Variants in CTNNA3 observed in about 807,000 individuals in gnomAD.
CTNNA3 encodes catenin alpha 3.
CTNNA3 carries 76 observed loss-of-function variants against 95.7 expected under a neutral mutation model. The ratio of observed to expected loss-of-function variants is 0.79; its 90% CI spans 0.66 to 0.96. The LOEUF is 0.96. Ranked by LOEUF, CTNNA3 falls within the 40% of genes least tolerant of loss-of-function variation. The pLI is 0.00. For synonymous variants in CTNNA3, 431 were observed against 374.4 expected (o/e 1.15, Z -1.74); for missense variants, 1,191 against 1,089.8 (o/e 1.09, Z -1.31).
At chr10:67,194,986 T>A (rs1453987098) in intron 6 of CTNNA3, among the ~76,000 whole-genome samples, 1 of 151,984 alleles carries the variant, frequency 6.6e-6, no homozygotes, top group African/African-American at 2.4e-5. Context: ...CTATAAGGAA[T>A]CTGTACTCCA....
At chr10:66,686,775 G>C (rs1056551055) in intron 9 of CTNNA3, among the ~76,000 whole-genome samples, 6 of 152,248 alleles carry the variant, frequency 3.9e-5, no homozygotes, top group Admixed American at 2.0e-4. Flanking sequence ...AGCTGAGAGA[G>C]AGAAACCAAA....
chr10:67,026,478 A>T (rs1169779161), intron 7 of CTNNA3, among the ~76,000 whole-genome samples: 2 of 152,104 alleles, frequency 1.3e-5, no homozygotes, highest in Non-Finnish European at 2.9e-5. Context: ...AAAAGAAATA[A>T]AGCAGTGTTA....
At chr10:66,314,765 A>T (rs1040064386) in intron 12 of CTNNA3, among the ~76,000 whole-genome samples, 6 of 152,242 alleles carry the variant, frequency 3.9e-5, no homozygotes, top group African/African-American at 1.4e-4. Flanking sequence ...CTTTTACAAG[A>T]TTGAACACAA....
At chr10:66,380,707 T>C (rs1589164675) in intron 11 of CTNNA3, among the ~76,000 whole-genome samples, 1 of 151,222 alleles carries the variant, frequency 6.6e-6, no homozygotes, top group African/African-American at 2.4e-5. Flanking sequence ...TAATCATATA[T>C]GTATTCATAT....
chr10:66,622,774 G>A (rs9664633), intron 9 of CTNNA3, among the ~76,000 whole-genome samples: 1 of 151,836 alleles, frequency 6.6e-6, no homozygotes, highest in East Asian at 1.9e-4. Flanking sequence ...GAGAAACTAC[G>A]CATTAGCCAC....
intron 5 of CTNNA3, among the ~76,000 whole-genome samples, chr10:67,429,392 C>T (rs1195514149): frequency 6.6e-6 from 1 of 151,892 alleles, no homozygotes; most frequent in Non-Finnish European, 1.5e-5. Context: ...AGTGGTGGTG[C>T]AATGCTATCA....
chr10:66,366,052 T>A lies in CTNNA3; in HGVS notation c.1732+13100A>T, dbSNP rs1365435955. On this transcript the variant is annotated intron_variant, in intron 12 of 17. Transcript: ENST00000433211. The stretch of plus-strand genomic sequence containing the variant: ...GACATTATGAGACAGTAAATGTTTG[T>A]TGTCTTAATTTGCTAAATTTTAGGG... Among the ~76,000 whole-genome samples the A allele has an allele frequency of 5.9e-5, 9 of 152,154 alleles. No homozygotes were observed. The East Asian group carries it at 1.7e-3, about 29-fold the overall frequency.
chr10:67,257,644 G>A (rs191718378), intron 5 of CTNNA3, among the ~76,000 whole-genome samples: 13 of 152,100 alleles, frequency 8.5e-5, no homozygotes, highest in African/African-American at 2.4e-4. Context: ...CTTAAACAGC[G>A]GGTGGACTAG....
intron 7 of CTNNA3, among the ~76,000 whole-genome samples, chr10:67,085,173 C>T (rs1228073044): frequency 6.6e-6 from 1 of 151,758 alleles, no homozygotes; most frequent in Non-Finnish European, 1.5e-5. Flanking sequence ...AGAATAACAC[C>T]TCACATTTTT....
At chr10:66,564,461 G>A (rs989695484) in intron 10 of CTNNA3, among the ~76,000 whole-genome samples, 1 of 152,084 alleles carries the variant, frequency 6.6e-6, no homozygotes, top group Non-Finnish European at 1.5e-5. Context: ...TCTTCCCCTA[G>A]CTTCTCCAAG....
chr10:66,192,739 C>A (rs2086748936), intron 13 of CTNNA3, among the ~76,000 whole-genome samples: 2 of 152,100 alleles, frequency 1.3e-5, no homozygotes, highest in Non-Finnish European at 2.9e-5. Flanking sequence ...AATTTCTTTA[C>A]CCCTTTCCCA....
chr10:66,238,165 T>C (rs1249498210), intron 13 of CTNNA3, among the ~76,000 whole-genome samples: 1 of 151,998 alleles, frequency 6.6e-6, no homozygotes, highest in African/African-American at 2.4e-5. Context: ...TTCTTTTAAT[T>C]GGGGAAGCAA....
chr10:67,497,401 A>G (rs934472888), intron 5 of CTNNA3, among the ~76,000 whole-genome samples: 2 of 152,176 alleles, frequency 1.3e-5, no homozygotes, highest in African/African-American at 2.4e-5. Context: ...ATATGTGTGC[A>G]TGTGTCTTTA....
At chr10:67,679,909 T>C (rs1249921008) in intron 1 of CTNNA3, among the ~76,000 whole-genome samples, 1 of 152,220 alleles carries the variant, frequency 6.6e-6, no homozygotes. Flanking sequence ...CAAAGATGTA[T>C]ATCACAAACT....
chr10:66,156,269 C>T (rs571703941), intron 13 of CTNNA3, among the ~76,000 whole-genome samples: 4 of 151,860 alleles, frequency 2.6e-5, no homozygotes, highest in South Asian at 2.1e-4. Context: ...AGAAAGGAAA[C>T]AGGAGGGATC....
intron 2 of CTNNA3, among the ~76,000 whole-genome samples, chr10:67,621,683 A>C (rs564931505): frequency 6.6e-6 from 1 of 151,758 alleles, no homozygotes; most frequent in South Asian, 2.1e-4. Flanking sequence ...TGGGAGGCAG[A>C]GATTGCAGTG....
intron 6 of CTNNA3, 95 bp downstream of exon 6, chr10:67,219,512 T>C: frequency 1.5e-6 from 2 of 1,360,004 alleles, no homozygotes; most frequent in Non-Finnish European, 2.0e-6. Context: ...TATTTTCTCA[T>C]GCTCTAAACG....
In CTNNA3 at chr10:67,575,384, C is replaced by T. The variant is rs564901256; in HGVS notation, c.292+31473G>A. Among the ~76,000 whole-genome samples the T allele has an allele frequency of 3.4e-3, 522 of 151,896 alleles. 5 individuals are homozygous for T. The highest frequency in any genetic ancestry group is 0.012 in the African/African-American group (487 of 41,356). ...GATTAGGCACACCATTTTATTTATC[C>T]TATGTCTTTCTGTTTCTGGCATTTT... On this transcript the variant is annotated intron_variant, in intron 3 of 17. Transcript: ENST00000433211.
At chr10:66,217,484 T>C (rs1193590259) in intron 13 of CTNNA3, among the ~76,000 whole-genome samples, 1 of 152,170 alleles carries the variant, frequency 6.6e-6, no homozygotes. Context: ...TATTGATGAA[T>C]AGTATTGTAT....
Sources: allele counts gnomAD v4.1 joint callset (sites outside exome capture counted in the v4.1 genomes callset), GRCh38; gene constraint gnomAD v4.1.1; transcripts MANE v1.5; gene names NCBI Gene and HGNC (gene_info 2026-07-23, HGNC 2026-07-21).